Variants in FMN2 observed in about 807,000 individuals in gnomAD.
FMN2 encodes formin-2.
A neutral mutation model predicts 142.3 loss-of-function variants in FMN2; 51 were observed. That is an observed-to-expected ratio of 0.36 (90% CI 0.29 to 0.45). The LOEUF (loss-of-function observed/expected upper bound fraction) is 0.45, where lower values mean the gene tolerates loss of function less well. FMN2 is among the 20% of genes least tolerant of loss of function. The pLI, the probability that FMN2 is intolerant of heterozygous loss-of-function variation, is 1.00. For missense variants in FMN2, 1,936 were observed against 2,122.8 expected (o/e 0.91, Z 1.73); for synonymous variants, 882 against 869.8 (o/e 1.01, Z -0.25).
At chr1:240,285,367 G>A (rs936828128) in intron 7 of FMN2, 5 of 446,978 alleles carry the variant, frequency 1.1e-5, no homozygotes, top group Admixed American at 7.1e-5. Context: ...AGAGTGTGCT[G>A]TCTGTTAGAC....
intron 7 of FMN2, 94 bp from the exon 8 acceptor site, chr1:240,294,728 C>A: frequency 8.9e-7 from 1 of 1,123,506 alleles, no homozygotes; most frequent in Non-Finnish European, 1.4e-6. Context: ...CCTGCTCCCT[C>A]TGGCTGCTGA....
chr1:240,150,934 A>G (rs1209962273), intron 2 of FMN2, among the ~76,000 whole-genome samples: 1 of 152,230 alleles, frequency 6.6e-6, no homozygotes, highest in Non-Finnish European at 1.5e-5. Flanking sequence ...AGGTATGTTC[A>G]AAGGCAAAGA....
chr1:240,248,095 C>T (rs1241700147), intron 6 of FMN2, among the ~76,000 whole-genome samples: 2 of 151,932 alleles, frequency 1.3e-5, no homozygotes, highest in African/African-American at 4.8e-5. Context: ...CATCACCTCC[C>T]CCTCCACCAC....
intron 16 of FMN2, among the ~76,000 whole-genome samples, chr1:240,454,163 T>C (rs1340757746): frequency 2.0e-5 from 3 of 147,616 alleles, no homozygotes; most frequent in Admixed American, 7.0e-5. Context: ...CTTTCTTCAC[T>C]GTGGATCCGT....
chr1:240,258,738 G>T (rs1668531900), intron 7 of FMN2, among the ~76,000 whole-genome samples: 1 of 152,130 alleles, frequency 6.6e-6, no homozygotes, highest in Non-Finnish European at 1.5e-5. Flanking sequence ...ATCCTCCTAT[G>T]ATATTTATGC....
chr1:240,413,335 G>A (rs1181477593), intron 15 of FMN2, among the ~76,000 whole-genome samples: 2 of 151,702 alleles, frequency 1.3e-5, no homozygotes, highest in East Asian at 3.9e-4. Context: ...TTGGGAAGGA[G>A]TTATATACTT....
intron 3 of FMN2, among the ~76,000 whole-genome samples, chr1:240,184,798 C>T (rs910618898): frequency 1.3e-5 from 2 of 151,762 alleles, no homozygotes; most frequent in Non-Finnish European, 2.9e-5. Flanking sequence ...TTAGGGAGCT[C>T]TATGAAAGTT....
chr1:240,246,123 T>C (rs1668074831), intron 6 of FMN2, among the ~76,000 whole-genome samples: 1 of 151,992 alleles, frequency 6.6e-6, no homozygotes. Context: ...GAGGTTGCAG[T>C]GAGCTGAGAT....
intron 8 of FMN2, among the ~76,000 whole-genome samples, chr1:240,302,758 A>G (rs189960938): frequency 1.3e-3 from 194 of 152,156 alleles, no homozygotes; most frequent in African/African-American, 4.3e-3. Context: ...TGGGTCCAAC[A>G]CTTGGGTCTA....
chr1:240,446,441 C>T (rs1200103174), intron 16 of FMN2, among the ~76,000 whole-genome samples: 1 of 152,040 alleles, frequency 6.6e-6, no homozygotes, highest in African/African-American at 2.4e-5. Context: ...TTTTTAATTC[C>T]CCTTTAGCAT....
intron 4 of FMN2, among the ~76,000 whole-genome samples, chr1:240,195,321 CT>C (rs1665871615): frequency 2.0e-5 from 3 of 152,174 alleles, no homozygotes; most frequent in African/African-American, 7.2e-5. Context: ...GTTTTTGTGG[CT>C]GTTTTTTCAT....
At chr1:240,167,244 G>A (rs901337652) in intron 2 of FMN2, among the ~76,000 whole-genome samples, 1 of 152,138 alleles carries the variant, frequency 6.6e-6, no homozygotes, top group Admixed American at 6.5e-5. Flanking sequence ...TAATGTTAGT[G>A]CTTCTTTTAA....
At chr1:240,189,927 C>A (rs913171373) in intron 4 of FMN2, among the ~76,000 whole-genome samples, 2 of 152,084 alleles carry the variant, frequency 1.3e-5, no homozygotes, top group Non-Finnish European at 2.9e-5. Flanking sequence ...TAAAGGGATA[C>A]ATTAAGTTTT....
chr1:240,393,700 G>T (rs1673684362), intron 15 of FMN2, among the ~76,000 whole-genome samples: 1 of 152,212 alleles, frequency 6.6e-6, no homozygotes, highest in South Asian at 2.1e-4. Context: ...GCCAAGTTAT[G>T]AATGCAAAGA....
chr1:240,434,728 A>ATTTTTTTT (rs34969961), intron 15 of FMN2, among the ~76,000 whole-genome samples: 1 of 130,762 alleles, frequency 7.6e-6, no homozygotes, highest in African/African-American at 2.9e-5. Flanking sequence ...CACCCTGCTA[A>ATTTTTTTT]TTTTTTTTTT....
At chr1:240,446,900 C>T (rs72767984) in intron 16 of FMN2, among the ~76,000 whole-genome samples, 1,568 of 152,262 alleles carry the variant, frequency 0.01, 16 homozygotes, top group Middle Eastern at 0.02. Flanking sequence ...TTTAGGATTT[C>T]AGCTTCACAC....
intron 2 of FMN2, among the ~76,000 whole-genome samples, chr1:240,173,107 TGTATTTTTAGTAGAAAAGGG>T (rs558971235): frequency 2.6e-5 from 4 of 152,204 alleles, no homozygotes; most frequent in Admixed American, 2.6e-4. Flanking sequence ...AGCTAATTTT[TGTATTTTTAGTAGAAAAGGG>T]GTTTCAACAT....
chr1:240,189,174 T>TTA (rs1553338931), intron 4 of FMN2, among the ~76,000 whole-genome samples: 4 of 146,238 alleles, frequency 2.7e-5, no homozygotes, highest in Non-Finnish European at 3.0e-5. Context: ...GATTTCTTAT[T>TTA]AAAAAAAAAA....
At chr1:240,095,850 T>G (rs577222543) in intron 1 of FMN2, among the ~76,000 whole-genome samples, 1 of 152,274 alleles carries the variant, frequency 6.6e-6, no homozygotes, top group South Asian at 2.1e-4. Flanking sequence ...CCACCTGGGT[T>G]TTGTTGACCT....
Sources: allele counts gnomAD v4.1 joint callset (sites outside exome capture counted in the v4.1 genomes callset), GRCh38; gene constraint gnomAD v4.1.1; transcripts MANE v1.5; gene names NCBI Gene and HGNC (gene_info 2026-07-23, HGNC 2026-07-21).